ADAMTS17: variants seen among roughly 807,000 people sequenced by gnomAD.
ADAMTS17 encodes the protein A disintegrin and metalloproteinase with thrombospondin motifs 17.
ADAMTS17 carries 113 observed loss-of-function variants against 141.5 expected under a neutral mutation model. The ratio of observed to expected loss-of-function variants is 0.80; its 90% CI spans 0.69 to 0.93. The LOEUF (loss-of-function observed/expected upper bound fraction) is 0.93. Among genes scored for constraint, ADAMTS17 ranks in the 40% least tolerant of loss-of-function variants. ADAMTS17 has a pLI of 0.00. For synonymous variants in ADAMTS17, 768 were observed against 630.6 expected, an observed-to-expected ratio of 1.22 and a Z score of -3.27; for missense variants, 1,659 against 1,517.9, an observed-to-expected ratio of 1.09 and a Z score of -1.54.
chr15:100,006,712 G>GT (rs2141382457), intron 18 of ADAMTS17, among the ~76,000 whole-genome samples: 1 of 152,338 alleles, frequency 6.6e-6, no homozygotes, highest in Non-Finnish European at 1.5e-5. Flanking sequence ...TATCGACTGA[G>GT]TGTCTAATCT....
At chr15:100,214,429 T>A (rs2041907162) in intron 7 of ADAMTS17, among the ~76,000 whole-genome samples, 1 of 152,198 alleles carries the variant, frequency 6.6e-6, no homozygotes, top group East Asian at 1.9e-4. Flanking sequence ...CAGGCTGAAG[T>A]GATTCATTCA....
intron 12 of ADAMTS17, among the ~76,000 whole-genome samples, chr15:100,122,816 C>T (rs1480415898): frequency 1.3e-5 from 2 of 152,062 alleles, no homozygotes; most frequent in Non-Finnish European, 2.9e-5. Context: ...ATTGAGTTGG[C>T]TGAGAAAGAG....
intron 3 of ADAMTS17, among the ~76,000 whole-genome samples, chr15:100,329,260 C>T (rs959506147): frequency 2.0e-5 from 3 of 152,100 alleles, no homozygotes; most frequent in African/African-American, 7.2e-5. Context: ...TGCAGGGGGC[C>T]AGGCATAGTG....
At chr15:100,167,469 C>G (rs76339805) in intron 8 of ADAMTS17, among the ~76,000 whole-genome samples, 3,182 of 152,242 alleles carry the variant, frequency 0.021, 131 homozygotes, top group East Asian at 0.17. Context: ...CCTCCCAATT[C>G]CAGGGCTGCT....
chr15:100,199,844 G>A (rs553168029), intron 7 of ADAMTS17, among the ~76,000 whole-genome samples: 206 of 152,296 alleles, frequency 1.4e-3, no homozygotes, highest in African/African-American at 4.6e-3. Context: ...GTAAGACACC[G>A]AGGGTGCAAG....
At chr15:100,189,707 T>A (rs2040849016) in intron 8 of ADAMTS17, among the ~76,000 whole-genome samples, 1 of 152,224 alleles carries the variant, frequency 6.6e-6, no homozygotes, top group African/African-American at 2.4e-5. Context: ...ACGGCAGGCG[T>A]CCTCCTGGAT....
chr15:100,100,762 A>G (rs540393245), intron 14 of ADAMTS17, among the ~76,000 whole-genome samples: 7 of 152,234 alleles, frequency 4.6e-5, no homozygotes, highest in South Asian at 2.1e-4. Flanking sequence ...TCCACACAAA[A>G]AGAGAGATAA....
intron 3 of ADAMTS17, among the ~76,000 whole-genome samples, chr15:100,326,615 G>A (rs1333170131): frequency 6.6e-6 from 1 of 152,182 alleles, no homozygotes; most frequent in African/African-American, 2.4e-5. Flanking sequence ...GTGTGTGATG[G>A]CTGGCAAAAG....
chr15:100,159,536 C>G, intron 8 of ADAMTS17, among the ~76,000 whole-genome samples: 1 of 152,152 alleles, frequency 6.6e-6, no homozygotes, highest in Middle Eastern at 3.2e-3. Flanking sequence ...TTTAAATGAG[C>G]AGGTCTTCTG....
chr15:100,232,260 C>T (rs1049718199), intron 7 of ADAMTS17, among the ~76,000 whole-genome samples: 2 of 152,224 alleles, frequency 1.3e-5, no homozygotes, highest in East Asian at 1.9e-4. Flanking sequence ...CCAATCCACC[C>T]GGGCAGGACA....
At chr15:100,336,203 G>A (rs1157016837) in intron 2 of ADAMTS17, among the ~76,000 whole-genome samples, 2 of 152,256 alleles carry the variant, frequency 1.3e-5, no homozygotes, top group Non-Finnish European at 2.9e-5. Context: ...TGCAGGAGCA[G>A]TCAGTGCCTG....
At chr15:100,087,534 A>C (rs2140975867) in intron 15 of ADAMTS17, among the ~76,000 whole-genome samples, 1 of 152,312 alleles carries the variant, frequency 6.6e-6, no homozygotes, top group East Asian at 1.9e-4. Context: ...AGACACAACC[A>C]AAAAAGAGAA....
chr15:100,333,480 T>C (rs2046116475), intron 2 of ADAMTS17, among the ~76,000 whole-genome samples: 1 of 152,146 alleles, frequency 6.6e-6, no homozygotes. Flanking sequence ...TGATATTTTT[T>C]CAAAGGTGAC....
At chr15:100,267,369 C>T (rs2043751988) in intron 4 of ADAMTS17, among the ~76,000 whole-genome samples, 1 of 152,158 alleles carries the variant, frequency 6.6e-6, no homozygotes, top group African/African-American at 2.4e-5. Context: ...TGTTTATCTG[C>T]CCATCTGCCA....
chr15:100,261,985 G>C (rs1219523423), intron 5 of ADAMTS17, among the ~76,000 whole-genome samples: 1 of 152,202 alleles, frequency 6.6e-6, no homozygotes, highest in Non-Finnish European at 1.5e-5. Context: ...TCCATTGAAA[G>C]ACCAGAAAAT....
chr15:100,296,332 C>T (rs1284815713), intron 3 of ADAMTS17, among the ~76,000 whole-genome samples: 1 of 152,104 alleles, frequency 6.6e-6, no homozygotes, highest in Non-Finnish European at 1.5e-5. Flanking sequence ...AATGATGGCT[C>T]CACATGTGCA....
chr15:100,187,047 C>T (rs2040743320), intron 8 of ADAMTS17, among the ~76,000 whole-genome samples: 2 of 152,080 alleles, frequency 1.3e-5, no homozygotes, highest in African/African-American at 2.4e-5. Context: ...TCATCTGGAC[C>T]GAGAGAGCCA....
intron 7 of ADAMTS17, among the ~76,000 whole-genome samples, chr15:100,214,103 G>C (rs2041894137): frequency 6.6e-6 from 1 of 152,192 alleles, no homozygotes. Flanking sequence ...AGTTATCTCA[G>C]TTATCTGGCG....
chr15:100,330,174 G>C (rs2046007110), intron 3 of ADAMTS17, among the ~76,000 whole-genome samples: 1 of 152,114 alleles, frequency 6.6e-6, no homozygotes, highest in South Asian at 2.1e-4. Context: ...AAGAGCCCCA[G>C]GTTCTCCCCC....
Sources: allele counts gnomAD v4.1 joint callset (sites outside exome capture counted in the v4.1 genomes callset), GRCh38; gene constraint gnomAD v4.1.1; transcripts MANE v1.5; gene names NCBI Gene and HGNC (gene_info 2026-07-23, HGNC 2026-07-21).